Variants in TMTC2 observed in about 807,000 individuals in gnomAD.
TMTC2 encodes protein O-mannosyl-transferase TMTC2.
TMTC2 carries 43 observed loss-of-function variants against 82.4 expected under a neutral mutation model. The ratio of observed to expected loss-of-function variants is 0.52; its 90% CI spans 0.41 to 0.67. The LOEUF is 0.67. Among genes scored for constraint, TMTC2 ranks in the 30% least tolerant of loss-of-function variants. TMTC2 has a pLI of 0.00. For synonymous variants in TMTC2, 408 were observed against 381.9 expected, an observed-to-expected ratio of 1.07 and a Z score of -0.80; for missense variants, 919 against 1,012.4, an observed-to-expected ratio of 0.91 and a Z score of 1.25.
chr12:82,985,018 TTTAG>T (rs1879094033), intron 7 of TMTC2, among the ~76,000 whole-genome samples: 1 of 152,172 alleles, frequency 6.6e-6, no homozygotes, highest in Non-Finnish European at 1.5e-5. Flanking sequence ...GTAAAATTTA[TTTAG>T]TTAATTTTAT....
chr12:83,114,932 A>G (rs1884707142), intron 11 of TMTC2, among the ~76,000 whole-genome samples: 1 of 151,958 alleles, frequency 6.6e-6, no homozygotes, highest in Non-Finnish European at 1.5e-5. Flanking sequence ...TATCAGATCC[A>G]TTTGTGTAGC....
rs142932608 is a variant in TMTC2 at position 82,966,412 on chromosome 12, A to G, written c.1870-507A>G. 2.9e-4 allele frequency among the ~76,000 whole-genome samples: 44 copies of G among 151,854 alleles called. No individual in the cohort carries two copies. The East Asian group carries it at 6.2e-3, about 21-fold the overall frequency. ...ACTGCTTTCCCCTGCCCTCCCACTC[A>G]CGTACTCTTATGCAATGTATTAAAA... On this transcript the variant is annotated intron_variant, in intron 6 of 11. Coordinates refer to ENST00000321196, the MANE Select transcript of TMTC2 (RefSeq NM_152588.3).
intron 11 of TMTC2, among the ~76,000 whole-genome samples, chr12:83,085,050 G>A (rs1172030186): frequency 6.6e-6 from 1 of 152,180 alleles, no homozygotes; most frequent in Non-Finnish European, 1.5e-5. Context: ...CACCTCTTAT[G>A]TAGGGGTTGG....
chr12:83,072,581 G>A (rs933083738), intron 11 of TMTC2, among the ~76,000 whole-genome samples: 1 of 152,102 alleles, frequency 6.6e-6, no homozygotes, highest in African/African-American at 2.4e-5. Flanking sequence ...TTGATGATCT[G>A]TCTAGTGCTG....
At chr12:82,906,377 A>G (rs1874308080) in intron 3 of TMTC2, among the ~76,000 whole-genome samples, 1 of 152,178 alleles carries the variant, frequency 6.6e-6, no homozygotes, top group Non-Finnish European at 1.5e-5. Context: ...GAAATTTACC[A>G]TTTAAGGCCA....
At chr12:82,723,244 T>C (rs1027461822) in intron 1 of TMTC2, among the ~76,000 whole-genome samples, 82 of 152,300 alleles carry the variant, frequency 5.4e-4, no homozygotes, top group African/African-American at 1.9e-3. Context: ...ATGAGAGTGG[T>C]GCAATAAACC....
At chr12:82,945,273 A>G (rs1336805751) in intron 4 of TMTC2, among the ~76,000 whole-genome samples, 1 of 152,194 alleles carries the variant, frequency 6.6e-6, no homozygotes, top group African/African-American at 2.4e-5. Context: ...GCAAAATTGT[A>G]TTATGTAGAA....
chr12:82,879,565 C>T (rs1019558582), intron 2 of TMTC2, among the ~76,000 whole-genome samples: 1 of 152,142 alleles, frequency 6.6e-6, no homozygotes, highest in African/African-American at 2.4e-5. Context: ...GGAGCAGGAC[C>T]GGTTCGTGGC....
intron 8 of TMTC2, among the ~76,000 whole-genome samples, chr12:82,987,507 C>T (rs893373945): frequency 9.3e-5 from 14 of 149,764 alleles, no homozygotes; most frequent in Admixed American, 8.7e-4. Flanking sequence ...ATATTTAGAT[C>T]TACTTAATAA....
At chr12:83,065,384 C>T (rs529614862) in intron 11 of TMTC2, among the ~76,000 whole-genome samples, 8 of 151,930 alleles carry the variant, frequency 5.3e-5, no homozygotes, top group African/African-American at 1.9e-4. Context: ...TCTAAATTAA[C>T]AGGCACAAAA....
intron 11 of TMTC2, among the ~76,000 whole-genome samples, chr12:83,119,125 G>T (rs1262788890): frequency 1.3e-5 from 2 of 151,806 alleles, no homozygotes; most frequent in Non-Finnish European, 2.9e-5. Flanking sequence ...TTATCTTTTG[G>T]ATTTTTTTGT....
chr12:82,983,383 T>C (rs1255252768), intron 7 of TMTC2, among the ~76,000 whole-genome samples: 1 of 152,022 alleles, frequency 6.6e-6, no homozygotes, highest in African/African-American at 2.4e-5. Flanking sequence ...TTACAAATTA[T>C]TAAGTTGCTT....
At chr12:82,926,651 A>G (rs1472072933) in intron 3 of TMTC2, among the ~76,000 whole-genome samples, 1 of 152,192 alleles carries the variant, frequency 6.6e-6, no homozygotes, top group East Asian at 1.9e-4. Flanking sequence ...AAAGCTAGAG[A>G]GGTGTTAGTG....
chr12:82,818,125 C>T (rs1048717582), intron 1 of TMTC2, among the ~76,000 whole-genome samples: 6 of 152,036 alleles, frequency 3.9e-5, no homozygotes, highest in African/African-American at 1.4e-4. Context: ...TATTTTTGGA[C>T]ATGGAGCCAT....
chr12:82,768,285 C>T (rs7296227), intron 1 of TMTC2, among the ~76,000 whole-genome samples: 34,923 of 152,102 alleles, frequency 0.23, 4,684 homozygotes, highest in Middle Eastern at 0.37. Context: ...GTGGAGTGCC[C>T]GTGTTTTTGC....
At chr12:83,061,868 A>T in intron 11 of TMTC2, 37 bp downstream of exon 11, 1 of 1,492,914 alleles carries the variant, frequency 6.7e-7, no homozygotes, top group Non-Finnish European at 9.1e-7. Flanking sequence ...TTTCAGAGGG[A>T]TAGACTCCAA....
At chr12:83,081,808 G>T (rs571712008) in intron 11 of TMTC2, among the ~76,000 whole-genome samples, 1 of 152,222 alleles carries the variant, frequency 6.6e-6, no homozygotes, top group South Asian at 2.1e-4. Flanking sequence ...GGAGGCCGAG[G>T]CAGGAGCATC....
At chr12:82,853,213 C>CTGCCT (rs1871076522) in intron 1 of TMTC2, among the ~76,000 whole-genome samples, 1 of 152,116 alleles carries the variant, frequency 6.6e-6, no homozygotes, top group African/African-American at 2.4e-5. Context: ...AGCAATTCTC[C>CTGCCT]TGCCTCAGGC....
At chr12:82,706,383 G>T (rs1391286268) in intron 1 of TMTC2, among the ~76,000 whole-genome samples, 1 of 151,246 alleles carries the variant, frequency 6.6e-6, no homozygotes, top group Non-Finnish European at 1.5e-5. Flanking sequence ...TATGTAGGGA[G>T]AGAAAAGCTT....
Sources: gnomAD v4.1 joint callset for allele counts (sites outside exome capture counted in the v4.1 genomes callset) on GRCh38, gnomAD v4.1.1 for gene constraint, MANE v1.5 for transcripts, NCBI Gene and HGNC (gene_info 2026-07-23, HGNC 2026-07-21) for gene names.